AGBL1: variants seen among roughly 807,000 people sequenced by gnomAD.
AGBL1 encodes AGBL carboxypeptidase 1, also known as cytosolic carboxypeptidase 4.
Under a neutral mutation model 118.9 loss-of-function variants are expected in AGBL1, and 130 were observed. The observed-to-expected ratio is 1.09, with a 90% CI of 0.95 to 1.26. The LOEUF (loss-of-function observed/expected upper bound fraction) is 1.26, where lower values mean the gene tolerates loss of function less well. AGBL1 is among the 50% of genes most tolerant of loss of function. The pLI is 0.00. For synonymous variants in AGBL1, 555 were observed against 478.9 expected, an observed-to-expected ratio of 1.16 and a Z score of -2.08; for missense variants, 1,584 against 1,298.1, an observed-to-expected ratio of 1.22 and a Z score of -3.38.
intron 21 of AGBL1, among the ~76,000 whole-genome samples, chr15:86,598,265 TGAGTA>T (rs1426597890): frequency 2.0e-5 from 3 of 152,108 alleles, no homozygotes; most frequent in African/African-American, 7.2e-5. Flanking sequence ...TTTAAAACTC[TGAGTA>T]GAGTGCAATG....
intron 22 of AGBL1, among the ~76,000 whole-genome samples, chr15:86,727,707 A>C (rs1051290107): frequency 6.6e-6 from 1 of 152,236 alleles, no homozygotes; most frequent in South Asian, 2.1e-4. Context: ...CAGAAGCTTA[A>C]TTCTGATTTC....
intron 16 of AGBL1, among the ~76,000 whole-genome samples, chr15:86,288,414 C>A (rs1328624210): frequency 6.6e-6 from 1 of 152,026 alleles, no homozygotes; most frequent in African/African-American, 2.4e-5. Flanking sequence ...TATATCAGGG[C>A]TTTAGTTAAT....
chr15:86,285,826 T>G (rs532698655), intron 16 of AGBL1, among the ~76,000 whole-genome samples: 22 of 152,218 alleles, frequency 1.4e-4, no homozygotes, highest in Non-Finnish European at 2.5e-4. Flanking sequence ...CAACATTTGC[T>G]GCTTGGGAGC....
intron 16 of AGBL1, among the ~76,000 whole-genome samples, chr15:86,282,933 G>A (rs1191176856): frequency 1.3e-5 from 2 of 152,152 alleles, no homozygotes; most frequent in African/African-American, 4.8e-5. Flanking sequence ...GTTTTTCAAC[G>A]TGACTACAAT....
In AGBL1 at chr15:86,158,936, C is replaced by A; in HGVS notation, c.398C>A (p.Ser133Tyr). 6.2e-7 allele frequency: 1 copy of A among 1,613,150 alleles called. No homozygotes were observed. Among genetic ancestry groups the A allele is most frequent in the Non-Finnish European group, 8.5e-7 (1 of 1,179,298 alleles). ...ACTGTGCTTTTGTTTTTCTTAGTCT[C>A]CATGGGAGCCATGCTGGGAATTAAT... The part of the protein sequence containing the change: ...WALRVFASSV[S>Y]MGAMLGINGA... Residue 133 changes from serine to tyrosine, a missense_variant, in exon 5 of 23, where the codon TCC (serine) becomes TAC (tyrosine). Physicochemically the swap from Ser to Tyr is moderately radical, Grantham distance 144. Coordinates refer to ENST00000614907, the MANE Select transcript of AGBL1 (RefSeq NM_001386094.1).
chr15:86,346,644 C>T (rs559053292), intron 17 of AGBL1, among the ~76,000 whole-genome samples: 13 of 152,284 alleles, frequency 8.5e-5, no homozygotes, highest in Admixed American at 1.3e-4. Context: ...CCACCACGCC[C>T]GGCCAAGCTC....
intron 21 of AGBL1, among the ~76,000 whole-genome samples, chr15:86,661,826 G>A (rs1383416860): frequency 6.6e-6 from 1 of 152,066 alleles, no homozygotes; most frequent in Admixed American, 6.6e-5. Context: ...TGAGAATGTC[G>A]CATTGCTTCA....
At chr15:86,459,889 T>C (rs1299924290) in intron 18 of AGBL1, among the ~76,000 whole-genome samples, 1 of 152,090 alleles carries the variant, frequency 6.6e-6, no homozygotes, top group Admixed American at 6.6e-5. Context: ...GAAATCAGCT[T>C]ACATAGCTAC....
chr15:86,969,573 A>G (rs2081087111), intron 23 of AGBL1, among the ~76,000 whole-genome samples: 1 of 152,038 alleles, frequency 6.6e-6, no homozygotes, highest in Non-Finnish European at 1.5e-5. Context: ...CTGCACAAGC[A>G]TATGCATTTG....
chr15:86,647,151 G>C (rs2085294252), intron 21 of AGBL1, among the ~76,000 whole-genome samples: 1 of 151,988 alleles, frequency 6.6e-6, no homozygotes, highest in Non-Finnish European at 1.5e-5. Context: ...CCATATTTGA[G>C]CTAGAATTAA....
chr15:86,364,984 T>C (rs866872772), intron 17 of AGBL1, among the ~76,000 whole-genome samples: 5 of 78,780 alleles, frequency 6.3e-5, no homozygotes, highest in African/African-American at 1.6e-4. Flanking sequence ...TATATATATA[T>C]ATATACACAC....
chr15:86,840,215 C>T (rs1412120274), intron 22 of AGBL1, among the ~76,000 whole-genome samples: 1 of 152,114 alleles, frequency 6.6e-6, no homozygotes, highest in Non-Finnish European at 1.5e-5. Flanking sequence ...TTGTTGTTTT[C>T]TTCTCTCTCT....
chr15:86,747,999 T>C (rs2077783104), intron 22 of AGBL1, among the ~76,000 whole-genome samples: 1 of 152,164 alleles, frequency 6.6e-6, no homozygotes, highest in Admixed American at 6.5e-5. Flanking sequence ...TACCCAGTAA[T>C]GGGATTGCTG....
chr15:86,825,911 AG>A (rs2079006482), intron 22 of AGBL1, among the ~76,000 whole-genome samples: 1 of 151,176 alleles, frequency 6.6e-6, no homozygotes. Flanking sequence ...ATAGATAGAT[AG>A]ATAGATAGAT....
In AGBL1 at chr15:86,912,468, A is replaced by T. The variant is rs972543776; in HGVS notation, c.*5174A>T. 1.3e-5 allele frequency: 2 copies of T among 152,204 alleles called. No homozygotes were observed. Among genetic ancestry groups the T allele is most frequent in the Non-Finnish European group, 2.9e-5 (2 of 68,082 alleles). 9.4% of individuals were successfully genotyped at this position (152,204 alleles called of 1,614,324 possible). On this transcript the variant is annotated 3_prime_UTR_variant, in exon 23 of 23. Coordinates refer to ENST00000614907, the MANE Select transcript of AGBL1 (RefSeq NM_001386094.1). ...CTGGGCTCTCCTTGCAATCCCATCAATAAGAATCAGCATCCAAGAATTCCA... is the reference window on the plus strand; with the variant it reads ...CTGGGCTCTCCTTGCAATCCCATCATTAAGAATCAGCATCCAAGAATTCCA...
intron 22 of AGBL1, among the ~76,000 whole-genome samples, chr15:86,721,757 C>A (rs2086725621): frequency 6.6e-6 from 1 of 152,100 alleles, no homozygotes; most frequent in Non-Finnish European, 1.5e-5. Context: ...CTAGAAAACC[C>A]CATTGTCTCA....
intron 22 of AGBL1, among the ~76,000 whole-genome samples, chr15:86,722,850 A>G (rs571681136): frequency 1.4e-4 from 21 of 152,282 alleles, no homozygotes; most frequent in African/African-American, 4.8e-4. Context: ...GAAGGATATG[A>G]ACAGACACTT....
intron 16 of AGBL1, among the ~76,000 whole-genome samples, chr15:86,289,903 AG>A (rs1175734901): frequency 2.0e-5 from 3 of 152,176 alleles, no homozygotes; most frequent in Non-Finnish European, 4.4e-5. Context: ...GCATCTTTGG[AG>A]GGCCATTATT....
intron 22 of AGBL1, among the ~76,000 whole-genome samples, chr15:86,710,876 C>T (rs1439827106): frequency 6.6e-6 from 1 of 152,156 alleles, no homozygotes; most frequent in Non-Finnish European, 1.5e-5. Context: ...TGTGACAAGT[C>T]ACAGTCTTTG....
Sources: gnomAD v4.1 joint callset for allele counts (sites outside exome capture counted in the v4.1 genomes callset) on GRCh38, gnomAD v4.1.1 for gene constraint, MANE v1.5 for transcripts, NCBI Gene and HGNC (gene_info 2026-07-23, HGNC 2026-07-21) for gene names.